The following EBF1 variants were observed in gnomAD, a reference collection of about 807,000 sequenced individuals.
EBF1 encodes the protein EBF transcription factor 1, also known as transcription factor COE1.
In EBF1, 10 loss-of-function variants were observed where a neutral mutation model predicts 68.4. The observed-to-expected ratio is 0.15, with a 90% CI of 0.09 to 0.25. EBF1 has a LOEUF of 0.25. Among genes scored for constraint, EBF1 ranks in the 10% least tolerant of loss-of-function variants. EBF1 has a pLI of 1.00. For synonymous variants in EBF1, 298 were observed against 299.8 expected, an observed-to-expected ratio of 0.99 and a Z score of 0.06; for missense variants, 509 against 794.4, an observed-to-expected ratio of 0.64 and a Z score of 4.32.
At chr5:158,969,813 A>G (rs1755006850) in intron 6 of EBF1, among the ~76,000 whole-genome samples, 1 of 148,434 alleles carries the variant, frequency 6.7e-6, no homozygotes, top group Non-Finnish European at 1.5e-5. Flanking sequence ...AGAGAGAAAG[A>G]AAGGAAAGAA....
intron 6 of EBF1, among the ~76,000 whole-genome samples, chr5:159,072,064 A>G (rs569903176): frequency 1.3e-5 from 2 of 152,334 alleles, no homozygotes; most frequent in East Asian, 3.9e-4. Context: ...TTTTGTAGAT[A>G]AACATGTTAT....
chr5:158,970,829 A>G (rs1301706075), intron 6 of EBF1, among the ~76,000 whole-genome samples: 1 of 152,234 alleles, frequency 6.6e-6, no homozygotes, highest in Non-Finnish European at 1.5e-5. Flanking sequence ...AAGAGAAAGG[A>G]AAAAAGACTT....
rs1755965287 is a variant in EBF1 at position 158,697,644 on chromosome 5, T to C, written c.*1467A>G. 4.9e-6 allele frequency: 1 copy of C among 204,026 alleles called. No homozygotes were observed. The highest frequency in any genetic ancestry group is 7.5e-5 in the East Asian group (1 of 13,326). 12.6% of individuals were successfully genotyped at this position (204,026 alleles called of 1,614,324 possible). On this transcript the variant is annotated 3_prime_UTR_variant, in exon 16 of 16. Transcript: ENST00000313708. The stretch of plus-strand genomic sequence containing the variant: ...TTTGCAAGTATGTGCAAGCTAAAGG[T>C]AGTGAGCTTTTTTTCTTTGCAAAAT...
At chr5:158,860,125 A>G (rs562126580) in intron 6 of EBF1, among the ~76,000 whole-genome samples, 1 of 152,364 alleles carries the variant, frequency 6.6e-6, no homozygotes, top group South Asian at 2.1e-4. Context: ...GATGCTATCA[A>G]CATGATTACA....
At chr5:158,875,054 C>A (rs990369916) in intron 6 of EBF1, among the ~76,000 whole-genome samples, 3 of 103,826 alleles carry the variant, frequency 2.9e-5, no homozygotes, top group Admixed American at 1.9e-4. Context: ...CACACACACA[C>A]ATACACACAC....
chr5:158,814,679 C>T (rs1409287526), intron 8 of EBF1, among the ~76,000 whole-genome samples: 2 of 152,168 alleles, frequency 1.3e-5, no homozygotes, highest in Non-Finnish European at 1.5e-5. Context: ...TTCTCATGGA[C>T]TCCTTCCTCC....
intron 6 of EBF1, among the ~76,000 whole-genome samples, chr5:158,862,418 A>T (rs528989702): frequency 2.0e-5 from 3 of 152,178 alleles, no homozygotes; most frequent in Non-Finnish European, 4.4e-5. Flanking sequence ...CATATCCATG[A>T]TCCAACCTGT....
At position 159,082,807 on chromosome 5, in the gene EBF1, G is replaced by C. The variant is rs553172645; in HGVS notation, c.485+1859C>G. Among the ~76,000 whole-genome samples the C allele has an allele frequency of 2.0e-5, 3 of 152,174 alleles. No homozygotes were observed. The South Asian group carries it at 6.2e-4, about 32-fold the overall frequency. On this transcript the variant is annotated intron_variant, in intron 5 of 15. Transcript: ENST00000313708. ...AATACGGCTTTTCCCTCTTAGCCAC[G>C]CAGTACAAACATCATCATTTGCCTT... is the stretch of plus-strand genomic sequence containing the variant.
At chr5:158,993,032 G>A (rs111786377) in intron 6 of EBF1, among the ~76,000 whole-genome samples, 1 of 141,262 alleles carries the variant, frequency 7.1e-6, no homozygotes, top group Non-Finnish European at 1.5e-5. Flanking sequence ...GGGCTCAAGC[G>A]ATTCTCCTGC....
intron 6 of EBF1, among the ~76,000 whole-genome samples, chr5:159,000,835 T>C (rs990443315): frequency 6.6e-6 from 1 of 152,182 alleles, no homozygotes; most frequent in African/African-American, 2.4e-5. Flanking sequence ...AAAAGACCTA[T>C]TCATAGTGAA....
chr5:158,920,854 T>C (rs1487378175), intron 6 of EBF1, among the ~76,000 whole-genome samples: 2 of 152,152 alleles, frequency 1.3e-5, no homozygotes, highest in Non-Finnish European at 2.9e-5. Context: ...TGAAACCCAC[T>C]TGGTGGAAGG....
intron 6 of EBF1, among the ~76,000 whole-genome samples, chr5:158,867,354 T>C (rs1449238019): frequency 6.6e-6 from 1 of 152,218 alleles, no homozygotes; most frequent in African/African-American, 2.4e-5. Flanking sequence ...CATGATTTCA[T>C]ATGTGAAAAA....
chr5:158,958,845 G>A lies in EBF1; in HGVS notation c.554+114551C>T, dbSNP rs761777801. Among the ~76,000 whole-genome samples, 81 of 152,136 alleles carry A rather than the reference G, an allele frequency of 5.3e-4. No homozygotes were observed. The Middle Eastern group carries it at 0.02, about 38-fold the overall frequency. The stretch of plus-strand genomic sequence containing the variant: ...CTTCCCACGTTCAATGCCATGTGCC[G>A]TGCATATTTTAAACCATGGGTAATT... On this transcript the variant is annotated intron_variant, in intron 6 of 15. Coordinates refer to ENST00000313708, the MANE Select transcript of EBF1 (RefSeq NM_024007.5).
intron 10 of EBF1, among the ~76,000 whole-genome samples, chr5:158,752,904 A>G (rs1188430650): frequency 1.3e-5 from 2 of 152,070 alleles, no homozygotes; most frequent in Non-Finnish European, 2.9e-5. Context: ...TTAATTTTGG[A>G]AAGTTAAGTG....
intron 4 of EBF1, among the ~76,000 whole-genome samples, chr5:159,088,788 A>G (rs183036920): frequency 6.6e-5 from 10 of 152,296 alleles, no homozygotes; most frequent in African/African-American, 2.4e-4. Context: ...TGCCTGCTAT[A>G]TAGATGGGTG....
intron 6 of EBF1, among the ~76,000 whole-genome samples, chr5:159,012,219 G>A (rs1250461483): frequency 2.6e-5 from 4 of 151,912 alleles, no homozygotes; most frequent in Non-Finnish European, 4.4e-5. Flanking sequence ...CCCAGGAGGC[G>A]GAGATTGCAG....
intron 6 of EBF1, among the ~76,000 whole-genome samples, chr5:158,961,423 A>G (rs995815142): frequency 1.3e-5 from 2 of 152,224 alleles, no homozygotes; most frequent in African/African-American, 2.4e-5. Context: ...AGACTCTACA[A>G]CAGAGTAAAT....
At chr5:158,764,202 A>G (rs990312624) in intron 10 of EBF1, among the ~76,000 whole-genome samples, 5 of 152,220 alleles carry the variant, frequency 3.3e-5, no homozygotes, top group African/African-American at 1.2e-4. Flanking sequence ...CTAGAGCTCT[A>G]TAGTCATACA....
At chr5:159,082,975 T>C (rs1236707514) in intron 5 of EBF1, among the ~76,000 whole-genome samples, 1 of 152,190 alleles carries the variant, frequency 6.6e-6, no homozygotes, top group Non-Finnish European at 1.5e-5. Context: ...ACTGCATTAA[T>C]AGAGGGTAGG....
Sources: gnomAD v4.1 joint callset for allele counts (sites outside exome capture counted in the v4.1 genomes callset) on GRCh38, gnomAD v4.1.1 for gene constraint, MANE v1.5 for transcripts, NCBI Gene and HGNC (gene_info 2026-07-23, HGNC 2026-07-21) for gene names.